Variants in USP49 observed in about 807,000 individuals in gnomAD.
USP49 encodes the protein ubiquitin specific peptidase 49.
USP49 carries 24 observed loss-of-function variants against 58.6 expected under a neutral mutation model. The ratio of observed to expected loss-of-function variants is 0.41; its 90% CI spans 0.30 to 0.58. The LOEUF (loss-of-function observed/expected upper bound fraction) is 0.58. USP49 is among the 20% of genes least tolerant of loss of function. The pLI is 0.30. For missense variants in USP49, 703 were observed against 866.1 expected (o/e 0.81, Z 2.36); for synonymous variants, 408 against 365.1 (o/e 1.12, Z -1.34).
At chr6:41,813,166 C>T (rs1168302053) in intron 3 of USP49, among the ~76,000 whole-genome samples, 2 of 152,120 alleles carry the variant, frequency 1.3e-5, no homozygotes. Context: ...TTAAACACAC[C>T]AGGACACTAT....
At chr6:41,822,206 AGCAGT>A (rs1410615834) in intron 3 of USP49, among the ~76,000 whole-genome samples, 2 of 152,214 alleles carry the variant, frequency 1.3e-5, no homozygotes, top group Non-Finnish European at 2.9e-5. Flanking sequence ...CTGCAGCTCA[AGCAGT>A]GAAATTGGGA....
intron 2 of USP49, among the ~76,000 whole-genome samples, chr6:41,881,167 C>T (rs1336855902): frequency 2.0e-5 from 3 of 151,486 alleles, no homozygotes; most frequent in Middle Eastern, 6.8e-3. Context: ...CTCCTGACCT[C>T]GTGATCCACC....
Position 41,884,024 on chromosome 6 carries a change from CTT to C in USP49, c.-103+7768_-103+7769del, listed in dbSNP as rs1774663944. 1.3e-5 allele frequency among the ~76,000 whole-genome samples: 2 copies of C among 151,816 alleles called. 1 individual carries two copies. The highest frequency in any genetic ancestry group is 4.2e-4 in the South Asian group (2 of 4,798). ...TAAATCTACATCCACATGAACAGAT[CTT>C]TTTTTGTTTTTTTTTTAGATGGAGT... On this transcript the variant is annotated intron_variant, in intron 2 of 7. Transcript: ENST00000682992.
intron 3 of USP49, among the ~76,000 whole-genome samples, chr6:41,840,435 A>C (rs1243109528): frequency 1.3e-5 from 2 of 152,104 alleles, no homozygotes; most frequent in Non-Finnish European, 2.9e-5. Context: ...TTTTGGAAGA[A>C]CACAATAATG....
At chr6:41,822,725 G>T (rs7748543) in intron 3 of USP49, among the ~76,000 whole-genome samples, 2 of 151,606 alleles carry the variant, frequency 1.3e-5, no homozygotes, top group Non-Finnish European at 2.9e-5. Context: ...CGCGCCTGTC[G>T]TCTCAGCTAC....
chr6:41,856,627 T>C (rs928379421), intron 3 of USP49, among the ~76,000 whole-genome samples: 2 of 152,156 alleles, frequency 1.3e-5, no homozygotes, highest in African/African-American at 2.4e-5. Context: ...GACAAGCACC[T>C]GATATATTTA....
chr6:41,835,346 A>G (rs1773705846), intron 3 of USP49, among the ~76,000 whole-genome samples: 1 of 152,212 alleles, frequency 6.6e-6, no homozygotes, highest in Admixed American at 6.5e-5. Context: ...TTTAATTGCA[A>G]TTTAGATTTG....
chr6:41,885,120 T>C (rs1274565207), intron 2 of USP49, among the ~76,000 whole-genome samples: 3 of 152,186 alleles, frequency 2.0e-5, no homozygotes, highest in Non-Finnish European at 4.4e-5. Flanking sequence ...CCAACAATAC[T>C]TCAACTGCTC....
chr6:41,887,058 A>G (rs919276090), intron 2 of USP49, among the ~76,000 whole-genome samples: 4 of 152,334 alleles, frequency 2.6e-5, no homozygotes, highest in Middle Eastern at 3.4e-3. Context: ...TGAGCATATG[A>G]CATATCCTAC....
chr6:41,826,331 CCTAT>C (rs141136061), intron 3 of USP49, among the ~76,000 whole-genome samples: 22,560 of 152,042 alleles, frequency 0.15, 1,677 homozygotes, highest in East Asian at 0.23. Context: ...TAAGAAACAT[CCTAT>C]CTAATACTGG....
intron 2 of USP49, among the ~76,000 whole-genome samples, chr6:41,888,360 A>C (rs1279803079): frequency 6.6e-6 from 1 of 151,382 alleles, no homozygotes; most frequent in Non-Finnish European, 1.5e-5. Flanking sequence ...CTGGCCTACA[A>C]TCAGCTTTAA....
chr6:41,869,505 G>A (rs940355941), intron 3 of USP49: 2 of 152,324 alleles, frequency 1.3e-5, no homozygotes, highest in Non-Finnish European at 2.9e-5. Flanking sequence ...GAGGCCAGGA[G>A]TTCAAGAGAG....
At chr6:41,869,905 A>C (rs1774384874) in intron 3 of USP49, among the ~76,000 whole-genome samples, 1 of 152,184 alleles carries the variant, frequency 6.6e-6, no homozygotes, top group Admixed American at 6.6e-5. Context: ...ATAACTATAA[A>C]CATCATATAC....
At position 41,803,883 on chromosome 6, in the gene USP49, A is replaced by G. The variant is rs556416608; in HGVS notation, c.1484T>C (p.Leu495Ser). The change falls in exon 5 of 8, where the codon TTG becomes TCG. Residue 495 changes from leucine (L) to serine (S), a missense_variant. This residue lies in a region of USP49 where 158 missense variants were observed against 241.2 expected (regional missense o/e 0.66). Transcript: ENST00000682992. This position sits in a 1 kb window ranked among gnomAD's most constrained non-coding sequence, Gnocchi z 4.1. ...GFVPLNQTEC[L>S]LTEMLAKFTE... The stretch of plus-strand genomic sequence containing the variant: ...GAATTTGGCCAGCATCTCAGTGAGC[A>G]AGCACTCTGTTTGATTCAAAGGGAC... 6.2e-7 allele frequency: 1 copy of G among 1,614,192 alleles called. No individual in the cohort carries two copies. The highest frequency in any genetic ancestry group is 1.3e-5 in the African/African-American group (1 of 75,048).
chr6:41,816,548 T>C (rs1398462582), intron 3 of USP49, among the ~76,000 whole-genome samples: 1 of 152,142 alleles, frequency 6.6e-6, no homozygotes, highest in Non-Finnish European at 1.5e-5. Context: ...ATTTTATCTA[T>C]TTCCTAAAAC....
In USP49 at chr6:41,803,712, G is replaced by A; in HGVS notation, c.1561+94C>T. 1.5e-6 allele frequency: 2 copies of A among 1,310,958 alleles called. No individual in the cohort carries two copies. The highest frequency in any genetic ancestry group is 2.2e-6 in the Non-Finnish European group (2 of 923,706). 81.2% of individuals were successfully genotyped at this position (1,310,958 alleles called of 1,614,324 possible). On this transcript the variant is annotated intron_variant, in intron 5 of 7. Coordinates refer to ENST00000682992, the MANE Select transcript of USP49 (RefSeq NM_001286554.2). This position sits in a 1 kb window ranked among gnomAD's most constrained non-coding sequence, Gnocchi z 4.1. ...GCTTTAGAACCATTCAATATCATTA[G>A]TGTTACTTTTGACTAAAGAGGACAA... is the stretch of plus-strand genomic sequence containing the variant.
At chr6:41,823,469 G>T (rs996947425) in intron 3 of USP49, among the ~76,000 whole-genome samples, 7 of 152,156 alleles carry the variant, frequency 4.6e-5, no homozygotes. Flanking sequence ...CTAGTTAGTA[G>T]CACTAGCCAT....
chr6:41,866,152 C>T (rs1721324832), intron 3 of USP49, among the ~76,000 whole-genome samples: 1 of 151,858 alleles, frequency 6.6e-6, no homozygotes, highest in African/African-American at 2.4e-5. Flanking sequence ...GACCTTCTGA[C>T]CTCGTGATCC....
chr6:41,833,373 C>A (rs1773670485), intron 3 of USP49, among the ~76,000 whole-genome samples: 1 of 152,026 alleles, frequency 6.6e-6, no homozygotes, highest in Admixed American at 6.6e-5. Flanking sequence ...TTCATATAGT[C>A]TTCAATAGCA....
Sources: allele counts gnomAD v4.1 joint callset (sites outside exome capture counted in the v4.1 genomes callset), GRCh38; gene constraint gnomAD v4.1.1; regional missense constraint gnomAD v4.1.1; non-coding constraint Gnocchi (gnomAD v3.1); transcripts MANE v1.5; gene names NCBI Gene and HGNC (gene_info 2026-07-23, HGNC 2026-07-21).